Variants in TOR1AIP1 observed in about 807,000 individuals in gnomAD.
TOR1AIP1 encodes the protein torsin-1A-interacting protein 1.
In TOR1AIP1, 54 loss-of-function variants were observed where a neutral mutation model predicts 63.3. The ratio of observed to expected loss-of-function variants is 0.85; its 90% CI spans 0.69 to 1.07. The LOEUF is 1.07. Ranked by LOEUF, TOR1AIP1 falls within the 50% of genes least tolerant of loss-of-function variation. TOR1AIP1 has a pLI of 0.00. For missense variants in TOR1AIP1, 736 were observed against 715.0 expected, an observed-to-expected ratio of 1.03 and a Z score of -0.33; for synonymous variants, 294 against 273.5, an observed-to-expected ratio of 1.07 and a Z score of -0.74.
At position 179,918,870 on chromosome 1, in the gene TOR1AIP1, G is replaced by A. The variant is rs1477837431; in HGVS notation, c.*631G>A. 6.6e-6 allele frequency: 1 copy of A among 152,148 alleles called. No homozygotes were observed. The highest frequency in any genetic ancestry group is 2.4e-5 in the African/African-American group (1 of 41,428). The allele number at this position is 152,148 out of a possible 1,614,324, so 9.4% of individuals were successfully genotyped here. On this transcript the variant is annotated 3_prime_UTR_variant, in exon 10 of 10. Transcript: ENST00000606911. ...TGAGATGTAGTTTAGTCAAACATAG[G>A]TATATGAACTGTTAATCTTGGTGGA... is the stretch of plus-strand genomic sequence containing the variant.
rs1194088032 is a variant in TOR1AIP1 at position 179,918,473 on chromosome 1, T to G, written c.*234T>G. The G allele has an allele frequency of 4.2e-6, 2 of 481,330 alleles. No homozygotes were observed. Among genetic ancestry groups the G allele is most frequent in the East Asian group, 7.2e-5 (2 of 27,620 alleles). 29.8% of individuals were successfully genotyped at this position (481,330 alleles called of 1,614,324 possible). ...TTAAAGGTATCTTAGGAGTGCAGAT[T>G]ATATGCAGTTCCTTAGAGAATCTGT... On this transcript the variant is annotated 3_prime_UTR_variant, in exon 10 of 10. Coordinates refer to ENST00000606911, the MANE Select transcript of TOR1AIP1 (RefSeq NM_015602.4).
chr1:179,916,468 C>T (rs1157624276), intron 9 of TOR1AIP1, among the ~76,000 whole-genome samples: 1 of 152,056 alleles, frequency 6.6e-6, no homozygotes, highest in Non-Finnish European at 1.5e-5. Context: ...ATTATTGTTA[C>T]TATCAACTGA....
chr1:179,887,321 C>T (rs1647938596), intron 2 of TOR1AIP1, among the ~76,000 whole-genome samples: 1 of 152,146 alleles, frequency 6.6e-6, no homozygotes, highest in South Asian at 2.1e-4. Flanking sequence ...ATCGCTTGAA[C>T]GCGGGAGGCG....
Position 179,901,368 on chromosome 1 carries a change from G to GATCCAA in TOR1AIP1, c.719_720insATCCAA (p.Arg240_Asp241insSerLys). The GATCCAA allele has an allele frequency of 6.2e-7, 1 of 1,605,614 alleles. No individual in the cohort carries two copies. The highest frequency in any genetic ancestry group is 8.5e-7 in the Non-Finnish European group (1 of 1,174,920). Reference sequence around the variant, plus strand: ...GTCACTACTGTTAAGGCCAGATCCAGGGATTCTGATGAATCTGGAGGTAAT... The same window carrying GATCCAA: ...GTCACTACTGTTAAGGCCAGATCCAGATCCAAGGATTCTGATGAATCTGGAGGTAAT... On this transcript the variant is annotated inframe_insertion, in exon 5 of 10. Transcript: ENST00000606911.
At chr1:179,915,135 A>G (rs1648955710) in intron 9 of TOR1AIP1, among the ~76,000 whole-genome samples, 1 of 152,224 alleles carries the variant, frequency 6.6e-6, no homozygotes. Flanking sequence ...TCTACAAAAA[A>G]TCCAGCTTTT....
At chr1:179,899,749 A>G (rs559312137) in intron 3 of TOR1AIP1, among the ~76,000 whole-genome samples, 2 of 152,148 alleles carry the variant, frequency 1.3e-5, no homozygotes, top group African/African-American at 2.4e-5. Context: ...GGTTCAAACT[A>G]TTCTCCTGCC....
chr1:179,887,843 G>A (rs1290743987), intron 2 of TOR1AIP1: 1 of 152,198 alleles, frequency 6.6e-6, no homozygotes, highest in Admixed American at 6.5e-5. Context: ...TGTAGTTAGA[G>A]CATTCATTCT....
chr1:179,896,972 A>G (rs1262834816), intron 3 of TOR1AIP1, among the ~76,000 whole-genome samples: 1 of 152,190 alleles, frequency 6.6e-6, no homozygotes, highest in East Asian at 1.9e-4. Context: ...TTGATTGTCA[A>G]ATCTACGGGG....
intron 2 of TOR1AIP1, among the ~76,000 whole-genome samples, chr1:179,886,854 C>T (rs1363218939): frequency 6.6e-6 from 1 of 152,156 alleles, no homozygotes; most frequent in Non-Finnish European, 1.5e-5. Context: ...GGCATATTCC[C>T]ATCCCATGCC....
intron 7 of TOR1AIP1, 49 bp downstream of exon 7, chr1:179,907,913 C>CCT (rs1648703469): frequency 5.6e-6 from 2 of 356,766 alleles, no homozygotes; most frequent in Admixed American, 7.9e-5. Flanking sequence ...ATTCTTTTCT[C>CCT]TTTTTTTTTT....
chr1:179,913,770 A>G (rs1297346933), intron 8 of TOR1AIP1: 2 of 665,398 alleles, frequency 3.0e-6, no homozygotes, highest in African/African-American at 1.8e-5. Flanking sequence ...TGTGCTTTGT[A>G]CTAGACCCCA....
At chr1:179,905,049 T>C (rs1365838242) in intron 6 of TOR1AIP1, among the ~76,000 whole-genome samples, 2 of 152,214 alleles carry the variant, frequency 1.3e-5, no homozygotes, top group Admixed American at 1.3e-4. Context: ...AAGAACTTTT[T>C]TTTTCTTCCA....
At chr1:179,909,557 C>T (rs573790842) in intron 8 of TOR1AIP1, among the ~76,000 whole-genome samples, 15 of 152,036 alleles carry the variant, frequency 9.9e-5, no homozygotes, top group African/African-American at 1.7e-4. Flanking sequence ...ACTACAGGCG[C>T]GTACCACCAC....
chr1:179,889,327 G>A lies in TOR1AIP1; in HGVS notation c.568G>A (p.Val190Ile), dbSNP rs775134055. The A allele has an allele frequency of 1.2e-6, 2 of 1,605,692 alleles. No homozygotes were observed. The highest frequency in any genetic ancestry group is 1.7e-6 in the Non-Finnish European group (2 of 1,174,012). ...IQEAPVSEDL[V>I]IRLRRPPLRY... ...TATATTAGCAGTGAGTGAAGATCTT[G>A]TAATCAGGTTACGTCGACCCCCTCT... The change falls in exon 3 of 10, where the codon GTA (valine) becomes ATA (isoleucine). Residue 190 changes from valine to isoleucine, a missense_variant. Val to Ile is a conservative substitution (Grantham distance 29). Around this residue, in one of 2 missense-constraint regions of TOR1AIP1, gnomAD observed 464 missense variants for 371.0 expected, o/e 1.25. Coordinates refer to ENST00000606911, the MANE Select transcript of TOR1AIP1 (RefSeq NM_015602.4).
intron 3 of TOR1AIP1, among the ~76,000 whole-genome samples, chr1:179,891,786 G>A (rs554320814): frequency 2.9e-4 from 44 of 151,882 alleles, no homozygotes; most frequent in African/African-American, 1.0e-3. Context: ...GGCTGGTCTC[G>A]AACTCCTGAC....
chr1:179,889,440 T>C, intron 3 of TOR1AIP1, 71 bp downstream of exon 3: 9 of 1,294,082 alleles, frequency 7.0e-6, no homozygotes, highest in Non-Finnish European at 9.9e-6. Flanking sequence ...TGGTTGTACA[T>C]GTATTCATAT....
intron 7 of TOR1AIP1, among the ~76,000 whole-genome samples, chr1:179,908,232 C>G (rs1422200677): frequency 6.6e-6 from 1 of 152,004 alleles, no homozygotes; most frequent in Non-Finnish European, 1.5e-5. Context: ...CTAACCTTGC[C>G]TTATTCTCCC....
intron 5 of TOR1AIP1, among the ~76,000 whole-genome samples, chr1:179,901,908 A>C (rs1648478307): frequency 1.3e-5 from 2 of 151,992 alleles, no homozygotes; most frequent in Non-Finnish European, 2.9e-5. Context: ...CCTCCCCCCC[A>C]AAAAAGATAA....
In TOR1AIP1 at chr1:179,905,782, G is replaced by A. The variant is rs188685503; in HGVS notation, c.796+1760G>A. Among the ~76,000 whole-genome samples the A allele has an allele frequency of 1.6e-3, 248 of 152,120 alleles. 1 individual carries two copies. The highest frequency in any genetic ancestry group is 5.9e-3 in the African/African-American group (243 of 41,512). On this transcript the variant is annotated intron_variant, in intron 6 of 9. Transcript: ENST00000606911. Reference sequence around the variant, plus strand: ...AGCCTGGCCAACATGGTGAAACCCCGTCTCTGCTAAAAATACAAAAATTAA... The same window carrying A: ...AGCCTGGCCAACATGGTGAAACCCCATCTCTGCTAAAAATACAAAAATTAA...
Sources: gnomAD v4.1 joint callset for allele counts (sites outside exome capture counted in the v4.1 genomes callset) on GRCh38, gnomAD v4.1.1 for gene constraint, gnomAD v4.1.1 regional missense constraint, MANE v1.5 for transcripts, NCBI Gene and HGNC (gene_info 2026-07-23, HGNC 2026-07-21) for gene names.